The following LDB2 variants were observed in gnomAD, a reference collection of about 807,000 sequenced individuals.
LDB2 encodes LIM domain binding 2.
A neutral mutation model predicts 44.3 loss-of-function variants in LDB2; 12 were observed. The ratio of observed to expected loss-of-function variants is 0.27; its 90% confidence interval spans 0.17 to 0.44. The LOEUF is 0.44. LDB2 is among the 20% of genes least tolerant of loss of function. LDB2 has a pLI of 1.00. For missense variants in LDB2, 344 were observed against 473.5 expected (o/e 0.73, Z 2.54); for synonymous variants, 164 against 174.8 (o/e 0.94, Z 0.49).
intron 1 of LDB2, among the ~76,000 whole-genome samples, chr4:16,849,463 G>A (rs558633268): frequency 2.6e-5 from 4 of 152,094 alleles, no homozygotes; most frequent in Admixed American, 6.5e-5. Flanking sequence ...AATTAATACC[G>A]ATAGAATGAA....
At chr4:16,598,789 G>T (rs1422682454) in intron 2 of LDB2, among the ~76,000 whole-genome samples, 1 of 151,932 alleles carries the variant, frequency 6.6e-6, no homozygotes, top group East Asian at 1.9e-4. Context: ...GCTGATTTGG[G>T]CCCTAGTCTC....
intron 5 of LDB2, among the ~76,000 whole-genome samples, chr4:16,516,264 T>C (rs574781613): frequency 6.6e-6 from 1 of 152,236 alleles, no homozygotes; most frequent in African/African-American, 2.4e-5. Flanking sequence ...CCATCTTATA[T>C]ACTGTTGTGA....
At chr4:16,531,076 G>T (rs1218292017) in intron 5 of LDB2, among the ~76,000 whole-genome samples, 4 of 152,204 alleles carry the variant, frequency 2.6e-5, no homozygotes, top group Non-Finnish European at 4.4e-5. Flanking sequence ...CCAGGTTTCA[G>T]TGTAACTTCT....
chr4:16,589,876 A>G (rs1297928089), intron 3 of LDB2, among the ~76,000 whole-genome samples: 1 of 152,182 alleles, frequency 6.6e-6, no homozygotes, highest in Non-Finnish European at 1.5e-5. Flanking sequence ...ATTTGGGGAA[A>G]ATCTAATAAA....
At chr4:16,676,028 T>C (rs1056229731) in intron 2 of LDB2, among the ~76,000 whole-genome samples, 4 of 152,222 alleles carry the variant, frequency 2.6e-5, no homozygotes, top group Admixed American at 2.0e-4. Context: ...AACAGTATTT[T>C]ATACCCACAT....
At chr4:16,798,415 G>C (rs1349364015) in intron 1 of LDB2, among the ~76,000 whole-genome samples, 2 of 152,126 alleles carry the variant, frequency 1.3e-5, no homozygotes, top group Non-Finnish European at 2.9e-5. Flanking sequence ...AGCAGCAATA[G>C]GACCCTGAGA....
intron 1 of LDB2, among the ~76,000 whole-genome samples, chr4:16,821,550 AT>A (rs34807743): frequency 9.8e-4 from 139 of 142,332 alleles, no homozygotes; most frequent in African/African-American, 1.9e-3. Context: ...CGCCCAGCTA[AT>A]TTTTTTTTTT....
At chr4:16,853,136 C>G (rs960384336) in intron 1 of LDB2, among the ~76,000 whole-genome samples, 1 of 152,136 alleles carries the variant, frequency 6.6e-6, no homozygotes, top group Non-Finnish European at 1.5e-5. Flanking sequence ...ATTAAGAAGG[C>G]ATGTTTTTTA....
chr4:16,768,678 C>A (rs1482616119), intron 1 of LDB2, among the ~76,000 whole-genome samples: 1 of 152,130 alleles, frequency 6.6e-6, no homozygotes, highest in African/African-American at 2.4e-5. Context: ...TCACAAGCCA[C>A]CCTTTCTCCA....
intron 2 of LDB2, among the ~76,000 whole-genome samples, chr4:16,734,429 T>A (rs1301675956): frequency 6.6e-6 from 1 of 152,242 alleles, no homozygotes; most frequent in Non-Finnish European, 1.5e-5. Flanking sequence ...CTCTGTTCCC[T>A]GGAACGGTGC....
Position 16,797,950 on chromosome 4 carries a change from G to A in LDB2, c.133-38690C>T, listed in dbSNP as rs567115588. ...CTTGGGAGGCTGAGGCAGGAGAATT[G>A]CTTGAATCCAGAAGGCAGAGGTTGC... is the stretch of plus-strand genomic sequence containing the variant. On this transcript the variant is annotated intron_variant, in intron 1 of 7. Transcript: ENST00000304523. Among the ~76,000 whole-genome samples the A allele has an allele frequency of 6.7e-4, 100 of 150,004 alleles. 1 individual carries two copies. The highest frequency in any genetic ancestry group is 2.3e-3 in the African/African-American group (93 of 40,636).
intron 5 of LDB2, among the ~76,000 whole-genome samples, chr4:16,556,877 G>A (rs1739814608): frequency 6.6e-6 from 1 of 152,264 alleles, no homozygotes; most frequent in Non-Finnish European, 1.5e-5. Flanking sequence ...GTTCAAATTT[G>A]GGGGAGGCAG....
intron 2 of LDB2, among the ~76,000 whole-genome samples, chr4:16,659,084 G>A (rs1298931358): frequency 2.0e-5 from 3 of 152,108 alleles, no homozygotes; most frequent in Non-Finnish European, 4.4e-5. Context: ...ACATGAATAC[G>A]AGCACCACCT....
At chr4:16,576,556 C>A (rs4698494) in intron 5 of LDB2, among the ~76,000 whole-genome samples, 28,536 of 151,888 alleles carry the variant, frequency 0.19, 4,258 homozygotes, top group East Asian at 0.45. Flanking sequence ...ACCTGAACAC[C>A]TCAACAATGA....
chr4:16,796,129 A>T (rs1261110024), intron 1 of LDB2, among the ~76,000 whole-genome samples: 8 of 149,422 alleles, frequency 5.4e-5, no homozygotes, highest in Non-Finnish European at 1.0e-4. Flanking sequence ...CCATCTCTAC[A>T]AAAAAAAAAT....
intron 5 of LDB2, among the ~76,000 whole-genome samples, chr4:16,552,318 A>G (rs111722888): frequency 1.3e-5 from 2 of 152,098 alleles, no homozygotes; most frequent in African/African-American, 2.4e-5. Context: ...TATTATTCCA[A>G]TTTTTTTGAA....
intron 2 of LDB2, among the ~76,000 whole-genome samples, chr4:16,625,033 C>T (rs1729902069): frequency 6.6e-6 from 1 of 152,034 alleles, no homozygotes; most frequent in Admixed American, 6.6e-5. Context: ...AAGATGAGGT[C>T]GGGACTCCTT....
At chr4:16,697,500 T>G (rs1171213843) in intron 2 of LDB2, among the ~76,000 whole-genome samples, 2 of 151,670 alleles carry the variant, frequency 1.3e-5, no homozygotes, top group Non-Finnish European at 2.9e-5. Context: ...CCTGTGAAAT[T>G]CCCCACCACG....
chr4:16,858,983 G>T (rs1711553932), intron 1 of LDB2, among the ~76,000 whole-genome samples: 1 of 152,124 alleles, frequency 6.6e-6, no homozygotes, highest in Non-Finnish European at 1.5e-5. Flanking sequence ...ATAGAACTTT[G>T]CTCAACTGCT....
Sources: gnomAD v4.1 joint callset for allele counts (sites outside exome capture counted in the v4.1 genomes callset) on GRCh38, gnomAD v4.1.1 for gene constraint, MANE v1.5 for transcripts, NCBI Gene and HGNC (gene_info 2026-07-23, HGNC 2026-07-21) for gene names.